The following MYO18B variants were observed in gnomAD, a reference collection of about 807,000 sequenced individuals.
MYO18B encodes the protein unconventional myosin-XVIIIb.
Under a neutral mutation model 273.0 loss-of-function variants are expected in MYO18B, and 204 were observed. That is an observed-to-expected ratio of 0.75 (90% CI 0.67 to 0.84). The LOEUF is 0.84. Ranked by LOEUF, MYO18B falls within the 40% of genes least tolerant of loss-of-function variation. The pLI, the probability that MYO18B is intolerant of heterozygous loss-of-function variation, is 0.00. For synonymous variants in MYO18B, 1,330 were observed against 1,305.7 expected, an observed-to-expected ratio of 1.02 and a Z score of -0.40; for missense variants, 3,212 against 3,287.6, an observed-to-expected ratio of 0.98 and a Z score of 0.56.
chr22:25,897,009 C>A (rs182113856), intron 28 of MYO18B: 9 of 152,316 alleles, frequency 5.9e-5, no homozygotes, highest in Admixed American at 3.3e-4. Flanking sequence ...TGGGACTTTG[C>A]ATGTGCTATT....
chr22:26,044,735 T>A, the MYO18B span, among the ~76,000 whole-genome samples: 1 of 152,218 alleles, frequency 6.6e-6, no homozygotes, highest in Non-Finnish European at 1.5e-5. Flanking sequence ...TTGAAGACTC[T>A]CACTTCTGAC....
At chr22:25,961,450 C>T (rs2092917515) in intron 39 of MYO18B, among the ~76,000 whole-genome samples, 1 of 152,166 alleles carries the variant, frequency 6.6e-6, no homozygotes, top group African/African-American at 2.4e-5. Flanking sequence ...GTCCCTCAAG[C>T]ATCATGTTGA....
chr22:25,895,377 A>T, intron 28 of MYO18B, 97 bp downstream of exon 28: 1 of 1,419,682 alleles, frequency 7.0e-7, no homozygotes. Context: ...GAGCCTGAAG[A>T]GGGAGGAAGA....
At chr22:26,047,396 G>A in the MYO18B span, among the ~76,000 whole-genome samples, 5 of 152,074 alleles carry the variant, frequency 3.3e-5, no homozygotes, top group African/African-American at 1.2e-4. Context: ...AAAGTGCTGG[G>A]ATTACAGGCG....
intron 12 of MYO18B, among the ~76,000 whole-genome samples, chr22:25,800,793 C>A (rs1355484289): frequency 2.0e-5 from 3 of 152,174 alleles, no homozygotes; most frequent in African/African-American, 7.2e-5. Context: ...AGTGGGGGGG[C>A]CCCCGCCCCC....
At chr22:26,039,624 T>G in the MYO18B span, among the ~76,000 whole-genome samples, 1 of 152,218 alleles carries the variant, frequency 6.6e-6, no homozygotes, top group East Asian at 1.9e-4. Context: ...TTTGTTTTTG[T>G]TTTAGTTATA....
At chr22:25,761,167 G>T (rs1460873674) in intron 2 of MYO18B, 36 bp downstream of exon 2, 1 of 1,610,708 alleles carries the variant, frequency 6.2e-7, no homozygotes, top group African/African-American at 1.3e-5. Context: ...GCAGCCATCT[G>T]CAGGGACTGA....
intron 39 of MYO18B, among the ~76,000 whole-genome samples, chr22:25,985,129 G>A (rs2093187237): frequency 1.3e-5 from 2 of 152,144 alleles, no homozygotes; most frequent in Non-Finnish European, 2.9e-5. Flanking sequence ...TAATACTGGG[G>A]CTGGGTGGAT....
chr22:25,896,655 GT>G (rs2091810017), intron 28 of MYO18B: 1 of 152,046 alleles, frequency 6.6e-6, no homozygotes, highest in Non-Finnish European at 1.5e-5. Context: ...TGTACAGATA[GT>G]TTGGTCTCTC....
At chr22:25,931,764 C>A (rs144459454) in intron 34 of MYO18B, among the ~76,000 whole-genome samples, 3 of 148,856 alleles carry the variant, frequency 2.0e-5, no homozygotes, top group African/African-American at 5.0e-5. Context: ...CTCACTGCAG[C>A]CTCAACATTT....
At chr22:26,001,999 A>G (rs1934000291) in intron 40 of MYO18B, among the ~76,000 whole-genome samples, 1 of 152,230 alleles carries the variant, frequency 6.6e-6, no homozygotes, top group Admixed American at 6.5e-5. Context: ...TGAATGGGTG[A>G]CTGTGTTCCA....
At chr22:25,882,825 T>A (rs2091381805) in intron 25 of MYO18B, among the ~76,000 whole-genome samples, 1 of 152,230 alleles carries the variant, frequency 6.6e-6, no homozygotes, top group Non-Finnish European at 1.5e-5. Flanking sequence ...TCTGGGCTTT[T>A]AGTGCAACTA....
At chr22:25,910,810 C>T (rs1383525692) in intron 32 of MYO18B, 136 bp from the exon 33 acceptor site, 3 of 675,142 alleles carry the variant, frequency 4.4e-6, no homozygotes, top group Non-Finnish European at 7.7e-6. Flanking sequence ...GACACTACCA[C>T]CCAATCACTA....
intron 39 of MYO18B, among the ~76,000 whole-genome samples, chr22:25,966,519 ACATTTTATGGC>A (rs1332130383): frequency 1.3e-5 from 2 of 152,222 alleles, no homozygotes; most frequent in African/African-American, 4.8e-5. Context: ...TGTAAATAAC[ACATTTTATGGC>A]TCTCCTGACA....
rs534824281 is a variant in MYO18B at position 25,972,808 on chromosome 22, T to TGGAGTGCAC, written c.6156+17444_6156+17445insGGAGTGCAC. ...CCTTCTCTACTAAAAATACAAAAAT[T>TGGAGTGCAC]ACCTGGGTGTGGTGGTGCATGCCTG... On this transcript the variant is annotated intron_variant, in intron 39 of 43. Coordinates refer to ENST00000335473, the MANE Select transcript of MYO18B (RefSeq NM_032608.7). Among the ~76,000 whole-genome samples, 49 of 152,132 alleles carry TGGAGTGCAC rather than the reference T, an allele frequency of 3.2e-4. No individual in the cohort carries two copies. The South Asian group carries it at 0.01, about 32-fold the overall frequency.
At chr22:25,973,317 C>G (rs185611378) in intron 39 of MYO18B, among the ~76,000 whole-genome samples, 2 of 152,284 alleles carry the variant, frequency 1.3e-5, no homozygotes, top group East Asian at 3.9e-4. Context: ...CACATCTGCC[C>G]TTCAGGGCTT....
chr22:25,928,948 G>T (rs9624928), intron 34 of MYO18B, among the ~76,000 whole-genome samples: 1 of 152,060 alleles, frequency 6.6e-6, no homozygotes, highest in African/African-American at 2.4e-5. Flanking sequence ...GGTCACCTGA[G>T]GTCAGGAGTT....
At chr22:25,933,307 A>T (rs939472920) in intron 34 of MYO18B, among the ~76,000 whole-genome samples, 13 of 152,224 alleles carry the variant, frequency 8.5e-5, no homozygotes, top group African/African-American at 3.1e-4. Flanking sequence ...TCAAGCACTG[A>T]GTAATCCTGG....
intron 34 of MYO18B, among the ~76,000 whole-genome samples, chr22:25,944,975 A>C (rs531716514): frequency 6.6e-6 from 1 of 152,124 alleles, no homozygotes; most frequent in Admixed American, 6.5e-5. Context: ...GGCCACGTAC[A>C]TAAGTAATTG....
Sources: gnomAD v4.1 joint callset for allele counts (sites outside exome capture counted in the v4.1 genomes callset) on GRCh38, gnomAD v4.1.1 for gene constraint, MANE v1.5 for transcripts, NCBI Gene and HGNC (gene_info 2026-07-23, HGNC 2026-07-21) for gene names.